Variants in PLK4 observed in about 807,000 individuals in gnomAD.
PLK4 encodes serine/threonine-protein kinase PLK4.
A neutral mutation model predicts 103.0 loss-of-function variants in PLK4; 51 were observed. The ratio of observed to expected loss-of-function variants is 0.50; its 90% CI spans 0.40 to 0.63. The LOEUF (loss-of-function observed/expected upper bound fraction) is 0.63. Among genes scored for constraint, PLK4 ranks in the 20% least tolerant of loss-of-function variants. PLK4 has a pLI of 0.00. For missense variants in PLK4, 1,054 were observed against 1,151.0 expected, an observed-to-expected ratio of 0.92 and a Z score of 1.22; for synonymous variants, 389 against 376.8, an observed-to-expected ratio of 1.03 and a Z score of -0.38.
rs76919544 is a variant in PLK4, at chr4:127,883,100, G to A, written c.127-162G>A. 3.1e-3 allele frequency among the ~76,000 whole-genome samples: 478 copies of A among 152,132 alleles called. 4 individuals carry two copies. The highest frequency in any genetic ancestry group is 0.011 in the African/African-American group (462 of 41,472). ...ACTTTTACCAAGCACCCTCTCTGCC[G>A]AGCACTCTGCTAGGTGCATGGGGAA... On this transcript the variant is annotated intron_variant, in intron 2 of 15. Transcript: ENST00000270861.
At chr4:127,892,861 A>G (rs915739273) in intron 10 of PLK4, among the ~76,000 whole-genome samples, 5 of 152,074 alleles carry the variant, frequency 3.3e-5, no homozygotes, top group African/African-American at 9.7e-5. Context: ...AGAATTATAA[A>G]TGTAGCAAAA....
At chr4:127,897,309 C>T (rs1381146363) in intron 15 of PLK4, among the ~76,000 whole-genome samples, 1 of 152,130 alleles carries the variant, frequency 6.6e-6, no homozygotes, top group Non-Finnish European at 1.5e-5. Flanking sequence ...GGCTATATCC[C>T]CAATCTAATG....
rs576179060 is a variant in PLK4, at chr4:127,880,958, C to G, written c.-177C>G. 2 of 654,572 alleles carry G rather than the reference C, an allele frequency of 3.1e-6. No individual in the cohort carries two copies. The highest frequency in any genetic ancestry group is 3.7e-5 in the African/African-American group (2 of 54,754). The allele number at this position is 654,572 out of a possible 1,614,324, so 40.5% of individuals were successfully genotyped here. Reference sequence around the variant, plus strand: ...CAAAATGGGAGCCCAGAGGCACCGCCCAGGCCTCGGAAGGTGTCAGGGAGA... The same window carrying G: ...CAAAATGGGAGCCCAGAGGCACCGCGCAGGCCTCGGAAGGTGTCAGGGAGA... On this transcript the variant is annotated 5_prime_UTR_variant, in exon 1 of 16. Coordinates refer to ENST00000270861, the MANE Select transcript of PLK4 (RefSeq NM_014264.5).
In PLK4 at chr4:127,891,098, A is replaced by G; in HGVS notation, c.1837A>G (p.Ile613Val). 6.5e-7 allele frequency: 1 copy of G among 1,543,816 alleles called. No homozygotes were observed. The highest frequency in any genetic ancestry group is 8.8e-7 in the Non-Finnish European group (1 of 1,135,232). The change falls in exon 8 of 16, where the codon ATA (isoleucine) becomes GTA (valine). Residue 613 changes from isoleucine to valine, a missense_variant. Ile to Val is a conservative substitution (Grantham distance 29). Transcript: ENST00000270861. ...RQKTKKAVVS[I>V]LDSEEVCVEL... is the part of the protein sequence containing the mutation. The stretch of plus-strand genomic sequence containing the variant: ...GGGTTTTTTTTTTTTTTAGGTGAGC[A>G]TACTTGATTCAGAGGAGGTGTGTGT...
intron 5 of PLK4, 48 bp from the exon 6 acceptor site, chr4:127,887,348 C>A: frequency 1.0e-6 from 1 of 985,394 alleles, no homozygotes; most frequent in Non-Finnish European, 1.6e-6. Flanking sequence ...AAAAAGTTAC[C>A]TGATAATTTT....
At chr4:127,895,188 A>G in intron 14 of PLK4, 95 bp downstream of exon 14, 1 of 838,914 alleles carries the variant, frequency 1.2e-6, no homozygotes, top group Non-Finnish European at 1.8e-6. Flanking sequence ...AATTATTGTA[A>G]TGATATCTTT....
rs1466287159 is a variant in PLK4 at position 127,887,414 on chromosome 4, A to G, written c.1377A>G (p.Pro459=). 1.4e-5 allele frequency: 22 copies of G among 1,608,022 alleles called. No homozygotes were observed. Among genetic ancestry groups the G allele is most frequent in the Non-Finnish European group, 1.9e-5 (22 of 1,175,192 alleles). ...NNQALSNHLC[P]GKTPFPFADP... is the part of the protein sequence containing the mutation. Reference sequence around the variant, plus strand: ...TGTTTAGCTCCAATCATCTTTGTCCAGGAAAAACTCCTTTTCCATTTGCAG... The same window carrying G: ...TGTTTAGCTCCAATCATCTTTGTCCGGGAAAAACTCCTTTTCCATTTGCAG... The change falls in exon 6 of 16, where the codon CCA becomes CCG. Residue 459 remains proline (P), a synonymous_variant. Coordinates refer to ENST00000270861, the MANE Select transcript of PLK4 (RefSeq NM_014264.5).
rs927100926 is a variant in PLK4, at chr4:127,893,102, G to GA, written c.2189-176dup. The GA allele has an allele frequency of 1.1e-5, 5 of 442,586 alleles. No homozygotes were observed. In the East Asian group the frequency reaches 1.5e-4, roughly 14 times the overall value. 27.4% of individuals were successfully genotyped at this position (442,586 alleles called of 1,614,324 possible). A position where few individuals can be genotyped will look rare whatever the true frequency, so the allele number is the denominator to read the frequency against. ...CAGGCTTAAACCAGATATATGTTGG[G>GA]AAAAAAATGGATGATCCATATTTAT... On this transcript the variant is annotated intron_variant, in intron 10 of 15. Transcript: ENST00000270861.
chr4:127,896,978 G>C, intron 15 of PLK4, 71 bp downstream of exon 15: 1 of 763,526 alleles, frequency 1.3e-6, no homozygotes, highest in Non-Finnish European at 2.3e-6. Context: ...TGTTGAAATG[G>C]ATGATTTAAT....
At chr4:127,892,600 G>A in intron 10 of PLK4, 86 bp downstream of exon 10, 1 of 1,048,806 alleles carries the variant, frequency 9.5e-7, no homozygotes, top group Non-Finnish European at 1.4e-6. Flanking sequence ...ATTCAACACA[G>A]TCAGTTTTAA....
rs202043369 is a variant in PLK4 at position 127,896,468 on chromosome 4, T to TG, written c.2704-328dup. On this transcript the variant is annotated intron_variant, in intron 14 of 15. Transcript: ENST00000270861. The stretch of plus-strand genomic sequence containing the variant: ...GTTAAGAAATACTAAATATTTCTTG[T>TG]GGGGGAAAAAAACCAACAACCAAAA... Among the ~76,000 whole-genome samples the TG allele has an allele frequency of 3.7e-4, 57 of 152,204 alleles. No homozygotes were observed. In the East Asian group the frequency reaches 9.5e-3, roughly 25 times the overall value.
chr4:127,892,006 C>A, intron 9 of PLK4: 1 of 217,604 alleles, frequency 4.6e-6, no homozygotes. Flanking sequence ...TGCTTCAGAG[C>A]ACATATACTA....
In PLK4 at chr4:127,898,457, A is replaced by G. The variant is rs1375974071; in HGVS notation, c.2829A>G (p.Lys943=). The part of the protein sequence containing the change: ...GQTTRYGENE[K]LPDYIKQKLQ... ...CACTTAGGTATGGAGAAAATGAAAAATTACCAGACTACATCAAACAGAAAT... is the reference window on the plus strand; with the variant it reads ...CACTTAGGTATGGAGAAAATGAAAAGTTACCAGACTACATCAAACAGAAAT... Residue 943 remains lysine (K), a synonymous_variant, in exon 16 of 16, where the codon AAA becomes AAG. Coordinates refer to ENST00000270861, the MANE Select transcript of PLK4 (RefSeq NM_014264.5). The G allele has an allele frequency of 1.3e-6, 2 of 1,552,300 alleles. No homozygotes were observed. The highest frequency in any genetic ancestry group is 1.8e-6 in the Non-Finnish European group (2 of 1,130,784).
chr4:127,888,177 CAAAAAAAAAAAAAAAAAAAAA>C (rs58491426), intron 6 of PLK4, among the ~76,000 whole-genome samples: 36 of 33,248 alleles, frequency 1.1e-3, no homozygotes, highest in South Asian at 4.0e-3. Flanking sequence ...TAGACTGTCT[CAAAAAAAAAAAAAAAAAAAAA>C]AAAAAAAAAA....
chr4:127,881,435 A>G (rs1425843120), intron 1 of PLK4: 3 of 1,372,664 alleles, frequency 2.2e-6, no homozygotes, highest in Non-Finnish European at 1.9e-6. Flanking sequence ...ATCCCGCCCG[A>G]GCTACCGCGT....
Position 127,886,573 on chromosome 4 carries a change from A to C in PLK4, c.1203A>C (p.Ser401=). The change falls in exon 5 of 16, where the codon TCA becomes TCC. Residue 401 remains serine, a synonymous_variant. Coordinates refer to ENST00000270861, the MANE Select transcript of PLK4 (RefSeq NM_014264.5). ...CATATACAATGGAACGATGTCACTC[A>C]GCAGAAATGCTTTCAGTGTCCAAAA... ...AKTYTMERCH[S]AEMLSVSKRS... 6.2e-7 allele frequency: 1 copy of C among 1,614,182 alleles called. No individual in the cohort carries two copies. Among genetic ancestry groups the C allele is most frequent in the Non-Finnish European group, 8.5e-7 (1 of 1,180,004 alleles).
In PLK4 at chr4:127,885,900, A is replaced by G; in HGVS notation, c.530A>G (p.Tyr177Cys). The change falls in exon 5 of 16, where the codon TAC becomes TGC. Residue 177 changes from tyrosine to cysteine, a missense_variant. By Grantham distance (194) the Tyr-to-Cys change is radical (BLOSUM62 -2). This residue lies in a region of PLK4 where 199 missense variants were observed against 270.1 expected (regional missense o/e 0.74). Transcript: ENST00000270861. ...KHYTLCGTPNYISPEIATRSA... is the reference protein window; with the variant it reads ...KHYTLCGTPNCISPEIATRSA... ...TATACATTATGTGGAACTCCTAACT[A>G]CATTTCACCAGAAATTGCCACTCGA... 6.2e-7 allele frequency: 1 copy of G among 1,614,054 alleles called. No individual in the cohort carries two copies. The highest frequency in any genetic ancestry group is 8.5e-7 in the Non-Finnish European group (1 of 1,179,918).
At chr4:127,898,278 C>A (rs1735652840) in intron 15 of PLK4, among the ~76,000 whole-genome samples, 161 bp from the exon 16 acceptor site, 1 of 152,148 alleles carries the variant, frequency 6.6e-6, no homozygotes, top group Admixed American at 6.5e-5. Context: ...AAACTGTATG[C>A]TTCACTTGAT....
At position 127,881,119 on chromosome 4, in the gene PLK4, G is replaced by C; in HGVS notation, c.-16G>C. The C allele has an allele frequency of 6.2e-7, 1 of 1,613,974 alleles. No individual in the cohort carries two copies. Among genetic ancestry groups the C allele is most frequent in the Non-Finnish European group, 8.5e-7 (1 of 1,180,006 alleles). On this transcript the variant is annotated 5_prime_UTR_variant, in exon 1 of 16. Coordinates refer to ENST00000270861, the MANE Select transcript of PLK4 (RefSeq NM_014264.5). The stretch of plus-strand genomic sequence containing the variant: ...AAGGAAGCTAATCCGGAGAACCCAG[G>C]CCAGAGCCTGGAAATATGGCGACCT...
Sources: gnomAD v4.1 joint callset for allele counts (sites outside exome capture counted in the v4.1 genomes callset) on GRCh38, gnomAD v4.1.1 for gene constraint, gnomAD v4.1.1 regional missense constraint, MANE v1.5 for transcripts, NCBI Gene and HGNC (gene_info 2026-07-23, HGNC 2026-07-21) for gene names.